Variants in LPCAT1 observed in about 807,000 individuals in gnomAD.
LPCAT1 encodes the protein lysophosphatidylcholine acyltransferase 1.
A neutral mutation model predicts 60.9 loss-of-function variants in LPCAT1; 23 were observed. The ratio of observed to expected loss-of-function variants is 0.38; its 90% CI spans 0.27 to 0.53. The LOEUF (loss-of-function observed/expected upper bound fraction) is 0.53, where lower values mean the gene tolerates loss of function less well. Ranked by LOEUF, LPCAT1 falls within the 20% of genes least tolerant of loss-of-function variation. The pLI is 0.82. For synonymous variants in LPCAT1, 340 were observed against 301.1 expected, an observed-to-expected ratio of 1.13 and a Z score of -1.34; for missense variants, 622 against 723.6, an observed-to-expected ratio of 0.86 and a Z score of 1.61.
Position 1,481,058 on chromosome 5 carries a change from C to T in LPCAT1, c.727-82G>A. On this transcript the variant is annotated intron_variant, in intron 6 of 13. Coordinates refer to ENST00000283415, the MANE Select transcript of LPCAT1 (RefSeq NM_024830.5). The surrounding 1 kb of genome is among the most constrained non-coding windows in gnomAD (Gnocchi z 7.8). ...AAGCACCTGCGTGTGCCGGCCTCTC[C>T]CTGCACCTCCCACCCCACAGAGGCG... 1 of 1,504,132 alleles carries T rather than the reference C, an allele frequency of 6.6e-7. No homozygotes were observed. Among genetic ancestry groups the T allele is most frequent in the Non-Finnish European group, 9.2e-7 (1 of 1,085,348 alleles). 93.2% of individuals were successfully genotyped at this position (1,504,132 alleles called of 1,614,324 possible). A position where few individuals can be genotyped will look rare whatever the true frequency, so the allele number is the denominator to read the frequency against.
intron 4 of LPCAT1, among the ~76,000 whole-genome samples, chr5:1,488,865 C>A (rs978908960): frequency 2.6e-5 from 4 of 152,208 alleles, no homozygotes; most frequent in Non-Finnish European, 4.4e-5. Context: ...AATGGCAGTG[C>A]CTGGCTGATG....
rs902051569 is a variant in LPCAT1, at chr5:1,470,999, G to A, written c.1180-75C>T. On this transcript the variant is annotated intron_variant, in intron 11 of 13. Coordinates refer to ENST00000283415, the MANE Select transcript of LPCAT1 (RefSeq NM_024830.5). ...AGAAACGCCAGGGTTTCCCATGGGT[G>A]CTGGTGTTAATTAAAGGCCAGTCCC... The A allele has an allele frequency of 8.3e-6, 10 of 1,202,618 alleles. No homozygotes were observed. In the African/African-American group the frequency reaches 1.4e-4, roughly 16 times the overall value. 74.5% of individuals were successfully genotyped at this position (1,202,618 alleles called of 1,614,324 possible).
rs1272320081 is a variant in LPCAT1 at position 1,483,104 on chromosome 5, G to A, written c.726+324C>T. Among the ~76,000 whole-genome samples the A allele has an allele frequency of 6.6e-6, 1 of 152,184 alleles. No individual in the cohort carries two copies. Among genetic ancestry groups the A allele is most frequent in the Non-Finnish European group, 1.5e-5 (1 of 68,034 alleles). On this transcript the variant is annotated intron_variant, in intron 6 of 13. Transcript: ENST00000283415. This position sits in a 1 kb window ranked among gnomAD's most constrained non-coding sequence, Gnocchi z 9.2. ...GAGGGGTTCCCTCTCCAAAATGTCA[G>A]GTTTGGCACACAGAGGAAAGGGCAG... is the stretch of plus-strand genomic sequence containing the variant.
Position 1,480,646 on chromosome 5 carries a change from G to A in LPCAT1, c.761+296C>T, listed in dbSNP as rs201815765. ...CCTAAATCTCCACTTTCCTTACCAG[G>A]GGCCACCAGGTGGACGATCGTAATT... On this transcript the variant is annotated intron_variant, in intron 7 of 13. Coordinates refer to ENST00000283415, the MANE Select transcript of LPCAT1 (RefSeq NM_024830.5). This position sits in a 1 kb window ranked among gnomAD's most constrained non-coding sequence, Gnocchi z 6.4. 2.6e-5 allele frequency among the ~76,000 whole-genome samples: 4 copies of A among 152,224 alleles called. No individual in the cohort carries two copies. In the East Asian group the frequency reaches 7.7e-4, roughly 29 times the overall value.
At chr5:1,465,033 C>CGCTA (rs1553991907) in intron 13 of LPCAT1, among the ~76,000 whole-genome samples, 1 of 146,950 alleles carries the variant, frequency 6.8e-6, no homozygotes, top group Non-Finnish European at 1.5e-5. Flanking sequence ...AGCGCAGGCA[C>CGCTA]ACTAAACACA....
In LPCAT1 at chr5:1,501,453, C is replaced by T; in HGVS notation, c.278+8G>A. The T allele has an allele frequency of 1.2e-6, 2 of 1,607,038 alleles. No homozygotes were observed. The highest frequency in any genetic ancestry group is 1.7e-6 in the Non-Finnish European group (2 of 1,177,120). On this transcript the variant is annotated splice_region_variant and intron_variant, in intron 2 of 13. Transcript: ENST00000283415. ...CCAGGAGGAGAGCACGGCACACGCG[C>T]AACTTACTTCCTCCACAGGGCCGGG...
chr5:1,481,033 A>G lies in LPCAT1; in HGVS notation c.727-57T>C. 1.6e-6 allele frequency: 2 copies of G among 1,243,436 alleles called. No homozygotes were observed. Among genetic ancestry groups the G allele is most frequent in the South Asian group, 1.4e-5 (1 of 71,550 alleles). The allele number at this position is 1,243,436 out of a possible 1,614,324, so 77.0% of individuals were successfully genotyped here. ...GGGGCCTGCACCCAGGGCCTGCACC[A>G]AGCACCTGCGTGTGCCGGCCTCTCC... On this transcript the variant is annotated intron_variant, in intron 6 of 13. Transcript: ENST00000283415. The surrounding 1 kb of genome is among the most constrained non-coding windows in gnomAD (Gnocchi z 7.8).
In LPCAT1 at chr5:1,477,368, C is replaced by T. The variant is rs759176507; in HGVS notation, c.899+36G>A. 11 of 1,576,600 alleles carry T rather than the reference C, an allele frequency of 7.0e-6. No homozygotes were observed. The highest frequency in any genetic ancestry group is 1.4e-5 in the African/African-American group (1 of 74,060). ...GAGAGCAGCACTCTGGGAGACACCCCTGACTCGGCGATGGGGGAAGGAGCT... is the reference window on the plus strand; with the variant it reads ...GAGAGCAGCACTCTGGGAGACACCCTTGACTCGGCGATGGGGGAAGGAGCT... On this transcript the variant is annotated intron_variant, in intron 9 of 13. Transcript: ENST00000283415. This position sits in a 1 kb window ranked among gnomAD's most constrained non-coding sequence, Gnocchi z 6.0.
rs1736743416 is a variant in LPCAT1 at position 1,523,614 on chromosome 5, G to A, written c.135+96C>T. 1 of 878,092 alleles carries A rather than the reference G, an allele frequency of 1.1e-6. No individual in the cohort carries two copies. Among genetic ancestry groups the A allele is most frequent in the Non-Finnish European group, 1.4e-6 (1 of 725,136 alleles). 54.4% of individuals were successfully genotyped at this position (878,092 alleles called of 1,614,324 possible). On this transcript the variant is annotated intron_variant, in intron 1 of 13. Transcript: ENST00000283415. This position sits in a 1 kb window ranked among gnomAD's most constrained non-coding sequence, Gnocchi z 7.1. ...GCTCGCAGGGCCGCGCCGCGCCCCA[G>A]GCCCCCTCCCCGGCCCCTCCTCGGC...
chr5:1,483,392 TC>T lies in LPCAT1; in HGVS notation c.726+35del. On this transcript the variant is annotated intron_variant, in intron 6 of 13. Transcript: ENST00000283415. This position sits in a 1 kb window ranked among gnomAD's most constrained non-coding sequence, Gnocchi z 9.2. ...TCGCAGTTCCCGTTTCCCGGAGAAT[TC>T]CCCTGGAAGCTGACCCCAAAAAAAC... 6.2e-7 allele frequency: 1 copy of T among 1,609,924 alleles called. No homozygotes were observed. The highest frequency in any genetic ancestry group is 2.2e-5 in the East Asian group (1 of 44,848).
chr5:1,474,742 C>T, intron 9 of LPCAT1, 57 bp from the exon 10 acceptor site: 1 of 1,564,266 alleles, frequency 6.4e-7, no homozygotes, highest in African/African-American at 1.3e-5. Context: ...GTTCCCACCG[C>T]CCCACCAGAA....
intron 1 of LPCAT1, among the ~76,000 whole-genome samples, chr5:1,501,957 G>A (rs1382093618): frequency 6.6e-6 from 1 of 151,482 alleles, no homozygotes; most frequent in African/African-American, 2.4e-5. Flanking sequence ...AGGCTGACCG[G>A]CACTGACCAA....
Position 1,483,512 on chromosome 5 carries a change from GC to G in LPCAT1, c.668-27del, listed in dbSNP as rs1560966840. On this transcript the variant is annotated intron_variant, in intron 5 of 13. Coordinates refer to ENST00000283415, the MANE Select transcript of LPCAT1 (RefSeq NM_024830.5). This position sits in a 1 kb window ranked among gnomAD's most constrained non-coding sequence, Gnocchi z 9.2. ...CTGCCGAGAAAGGAACAGCGGTGTT[GC>G]CCATGGCAGCCCACGCAGGACAGCG... is the stretch of plus-strand genomic sequence containing the variant. 5 of 1,611,090 alleles carry G rather than the reference GC, an allele frequency of 3.1e-6. No homozygotes were observed. The highest frequency in any genetic ancestry group is 4.2e-6 in the Non-Finnish European group (5 of 1,177,846).
intron 3 of LPCAT1, among the ~76,000 whole-genome samples, chr5:1,491,184 T>C (rs937394081): frequency 3.9e-5 from 4 of 101,898 alleles, no homozygotes; most frequent in African/African-American, 1.4e-4. Context: ...TCCTTGCTCA[T>C]TGGTTATTCC....
At chr5:1,465,821 C>A (rs1031294105) in intron 13 of LPCAT1, among the ~76,000 whole-genome samples, 2 of 151,968 alleles carry the variant, frequency 1.3e-5, no homozygotes, top group Non-Finnish European at 2.9e-5. Context: ...CACATGCGTG[C>A]ACACACGTAT....
rs544005004 is a variant in LPCAT1, at chr5:1,463,541, C to T, written c.*110G>A. ...AGGCCCCTGGAACTCGGGCTGAAGA[C>T]AGTGCCTGTACAGCAGGAGTGAGGA... is the stretch of plus-strand genomic sequence containing the variant. On this transcript the variant is annotated 3_prime_UTR_variant, in exon 14 of 14. Transcript: ENST00000283415. 6.8e-4 allele frequency: 813 copies of T among 1,200,726 alleles called. 2 individuals carry two copies. The African/African-American group carries it at 0.011, about 17-fold the overall frequency. The allele number at this position is 1,200,726 out of a possible 1,614,324, so 74.4% of individuals were successfully genotyped here.
chr5:1,493,603 G>A (rs879405289), intron 3 of LPCAT1, among the ~76,000 whole-genome samples: 9 of 152,366 alleles, frequency 5.9e-5, no homozygotes, highest in Middle Eastern at 6.8e-3. Context: ...GCCCCAGAAC[G>A]TGCTGTGCTG....
chr5:1,507,048 G>A (rs373926737), intron 1 of LPCAT1, among the ~76,000 whole-genome samples: 1 of 152,230 alleles, frequency 6.6e-6, no homozygotes, highest in South Asian at 2.1e-4. Context: ...GACAAGGTGG[G>A]CAGATGTGGG....
chr5:1,518,249 A>G (rs1218815035), intron 1 of LPCAT1, among the ~76,000 whole-genome samples: 1 of 152,260 alleles, frequency 6.6e-6, no homozygotes, highest in Non-Finnish European at 1.5e-5. Context: ...TAAAGCGGAA[A>G]AAAAACACAG....
Sources: gnomAD v4.1 joint callset for allele counts (sites outside exome capture counted in the v4.1 genomes callset) on GRCh38, gnomAD v4.1.1 for gene constraint, Gnocchi (gnomAD v3.1) non-coding constraint, MANE v1.5 for transcripts, NCBI Gene and HGNC (gene_info 2026-07-23, HGNC 2026-07-21) for gene names.